The following PPP1R14C variants were observed in gnomAD, a reference collection of about 807,000 sequenced individuals.
The protein encoded by PPP1R14C is protein phosphatase 1 regulatory subunit 14C.
A neutral mutation model predicts 20.4 loss-of-function variants in PPP1R14C; 16 were observed. The ratio of observed to expected loss-of-function variants is 0.78; its 90% confidence interval spans 0.53 to 1.19. The LOEUF (loss-of-function observed/expected upper bound fraction) is 1.19, where lower values mean the gene tolerates loss of function less well. Ranked by LOEUF, PPP1R14C falls within the 50% of genes most tolerant of loss-of-function variation. The probability of loss-of-function intolerance (pLI) is 0.00; values close to 1 mark genes in which losing one functional copy is unlikely to be tolerated. For synonymous variants in PPP1R14C, 91 were observed against 91.0 expected (o/e 1.00, Z 0.00); for missense variants, 211 against 220.1 (o/e 0.96, Z 0.26).
intron 3 of PPP1R14C, among the ~76,000 whole-genome samples, chr6:150,225,483 T>C (rs987771532): frequency 3.3e-5 from 5 of 152,246 alleles, no homozygotes; most frequent in Admixed American, 3.3e-4. Context: ...TGTGATTTTC[T>C]GTATTCACCT....
chr6:150,236,665 G>C (rs1046959865), intron 3 of PPP1R14C, among the ~76,000 whole-genome samples: 5 of 150,036 alleles, frequency 3.3e-5, no homozygotes, highest in African/African-American at 7.5e-5. Context: ...AGCCAGGAGG[G>C]AGCTGTTGGG....
At position 150,143,262 on chromosome 6, in the gene PPP1R14C, C is replaced by T; in HGVS notation, c.70C>T (p.Gln24Ter). The T allele has an allele frequency of 2.0e-6, 3 of 1,466,610 alleles. No homozygotes were observed. Among genetic ancestry groups the T allele is most frequent in the Non-Finnish European group, 2.7e-6 (3 of 1,120,028 alleles). The allele number at this position is 1,466,610 out of a possible 1,614,324, so 90.8% of individuals were successfully genotyped here. A position where few individuals can be genotyped will look rare whatever the true frequency, so the allele number is the denominator to read the frequency against. Residue 24 changes from glutamine to a stop codon, truncating the protein, a stop_gained, in exon 1 of 4, where the codon CAA (glutamine) becomes TAA (stop). Transcript: ENST00000361131. LOFTEE classifies it high-confidence loss of function. The surrounding 1 kb of genome is among the most constrained non-coding windows in gnomAD (Gnocchi z 5.6). The stretch of plus-strand genomic sequence containing the variant: ...CGGCGGCGGCGCACGGGTTTTCTTC[C>T]AAAGCCCCCGGGGTGGCGCCGGTGG... The part of the protein sequence containing the change: ...ASGGGARVFF[Q>*]SPRGGAGGSP...
chr6:150,183,966 A>C (rs1198692250), intron 1 of PPP1R14C, among the ~76,000 whole-genome samples: 3 of 152,238 alleles, frequency 2.0e-5, no homozygotes, highest in African/African-American at 7.2e-5. Flanking sequence ...GACAGTTCAC[A>C]TATTTCCCAA....
intron 1 of PPP1R14C, among the ~76,000 whole-genome samples, chr6:150,202,620 G>T (rs1777892327): frequency 6.6e-6 from 1 of 152,194 alleles, no homozygotes; most frequent in Non-Finnish European, 1.5e-5. Context: ...CTCTGGGAGG[G>T]TCCCCATGGT....
chr6:150,194,227 A>G (rs1461913128), intron 1 of PPP1R14C, among the ~76,000 whole-genome samples: 2 of 152,214 alleles, frequency 1.3e-5, no homozygotes, highest in Admixed American at 6.5e-5. Context: ...GCGTGAGAAC[A>G]GACTAATACA....
At chr6:150,237,900 A>T (rs1402072707) in intron 3 of PPP1R14C, among the ~76,000 whole-genome samples, 1 of 146,816 alleles carries the variant, frequency 6.8e-6, no homozygotes, top group Non-Finnish European at 1.5e-5. Flanking sequence ...GGTTTTTTTT[A>T]GGCATCTGTT....
At chr6:150,176,324 C>T (rs944430123) in intron 1 of PPP1R14C, among the ~76,000 whole-genome samples, 3 of 152,206 alleles carry the variant, frequency 2.0e-5, no homozygotes, top group South Asian at 2.1e-4. Flanking sequence ...TTCTAACAAT[C>T]GAGTTGGAGG....
At chr6:150,184,629 A>G (rs1369652321) in intron 1 of PPP1R14C, among the ~76,000 whole-genome samples, 2 of 149,652 alleles carry the variant, frequency 1.3e-5, no homozygotes, top group Non-Finnish European at 2.9e-5. Flanking sequence ...CATATTTTGG[A>G]CTTCTCTCTG....
At chr6:150,171,041 G>A (rs1371776974) in intron 1 of PPP1R14C, among the ~76,000 whole-genome samples, 1 of 151,902 alleles carries the variant, frequency 6.6e-6, no homozygotes, top group African/African-American at 2.4e-5. Flanking sequence ...CAACTCCCCC[G>A]GCGTGACCCT....
chr6:150,179,236 T>C (rs1449043966), intron 1 of PPP1R14C, among the ~76,000 whole-genome samples: 1 of 152,078 alleles, frequency 6.6e-6, no homozygotes, highest in African/African-American at 2.4e-5. Flanking sequence ...CAAGACCCTA[T>C]CTCTATACAA....
At chr6:150,176,745 C>T (rs1376968574) in intron 1 of PPP1R14C, among the ~76,000 whole-genome samples, 2 of 152,188 alleles carry the variant, frequency 1.3e-5, no homozygotes, top group African/African-American at 4.8e-5. Context: ...GAGTGAGGCC[C>T]AGGTAAGGGC....
chr6:150,176,731 T>C (rs1562262066), intron 1 of PPP1R14C, among the ~76,000 whole-genome samples: 2 of 152,226 alleles, frequency 1.3e-5, no homozygotes, highest in African/African-American at 4.8e-5. Flanking sequence ...TAAGCTGTTA[T>C]AATGAGTGAG....
intron 1 of PPP1R14C, among the ~76,000 whole-genome samples, chr6:150,149,299 A>ACG (rs1554280428): frequency 2.0e-5 from 3 of 147,344 alleles, no homozygotes; most frequent in African/African-American, 7.5e-5. Flanking sequence ...CTCCATACAT[A>ACG]TGTGTGTGTG....
At chr6:150,235,334 T>C (rs922879909) in intron 3 of PPP1R14C, among the ~76,000 whole-genome samples, 1 of 152,160 alleles carries the variant, frequency 6.6e-6, no homozygotes, top group Non-Finnish European at 1.5e-5. Context: ...AAGTGATCCT[T>C]CTGCCTCAGC....
chr6:150,168,008 T>C (rs112918948), intron 1 of PPP1R14C, among the ~76,000 whole-genome samples: 19 of 160 alleles, frequency 0.12, 4 homozygotes, highest in African/African-American at 0.18. Context: ...CCCCCTTGCT[T>C]TCCTCCCACC....
intron 3 of PPP1R14C, among the ~76,000 whole-genome samples, chr6:150,229,331 T>C (rs1778265501): frequency 6.6e-6 from 1 of 152,248 alleles, no homozygotes; most frequent in Admixed American, 6.5e-5. Flanking sequence ...AAGTCGGAGA[T>C]TATAATTTTG....
Position 150,231,998 on chromosome 6 carries a change from A to G in PPP1R14C, c.423+15142A>G, listed in dbSNP as rs75124574. On this transcript the variant is annotated intron_variant, in intron 3 of 3. Transcript: ENST00000361131. ...TGTACAAGACTTTCTCCAAGAATAT[A>G]TAAGAAATGGAGTTGCTTTTAAATG... Among the ~76,000 whole-genome samples the G allele has an allele frequency of 1.8e-3, 274 of 152,354 alleles. 1 individual carries two copies. The highest frequency in any genetic ancestry group is 6.8e-3 in the Middle Eastern group (2 of 294).
chr6:150,163,919 A>C (rs1777398110), intron 1 of PPP1R14C, among the ~76,000 whole-genome samples: 1 of 152,176 alleles, frequency 6.6e-6, no homozygotes, highest in Non-Finnish European at 1.5e-5. Flanking sequence ...TGGCTTATAG[A>C]GTACGTGTAT....
intron 3 of PPP1R14C, among the ~76,000 whole-genome samples, chr6:150,233,633 C>T (rs1390139392): frequency 6.6e-6 from 1 of 151,992 alleles, no homozygotes; most frequent in Non-Finnish European, 1.5e-5. Flanking sequence ...GTAAGGAGCG[C>T]CCCCCTCCCA....
Sources: gnomAD v4.1 joint callset for allele counts (sites outside exome capture counted in the v4.1 genomes callset) on GRCh38, gnomAD v4.1.1 for gene constraint, Gnocchi (gnomAD v3.1) non-coding constraint, MANE v1.5 for transcripts, NCBI Gene and HGNC (gene_info 2026-07-23, HGNC 2026-07-21) for gene names.